Variants in TCERG1L observed in about 807,000 individuals in gnomAD.
TCERG1L encodes the protein transcription elongation regulator 1 like.
In TCERG1L, 37 loss-of-function variants were observed where a neutral mutation model predicts 56.3. That is an observed-to-expected ratio of 0.66 (90% CI 0.51 to 0.87). The LOEUF is 0.87. TCERG1L is among the 40% of genes least tolerant of loss of function. The pLI, the probability that TCERG1L is intolerant of heterozygous loss-of-function variation, is 0.00. For missense variants in TCERG1L, 799 were observed against 774.2 expected (o/e 1.03, Z -0.38); for synonymous variants, 324 against 326.3 (o/e 0.99, Z 0.08).
At chr10:131,252,093 G>A (rs1846117311) in intron 4 of TCERG1L, among the ~76,000 whole-genome samples, 1 of 152,162 alleles carries the variant, frequency 6.6e-6, no homozygotes, top group Non-Finnish European at 1.5e-5. Flanking sequence ...AGCAATTCCA[G>A]CTTTTTTAAG....
At chr10:131,120,611 C>T (rs192527949) in intron 8 of TCERG1L, among the ~76,000 whole-genome samples, 4 of 152,334 alleles carry the variant, frequency 2.6e-5, no homozygotes, top group African/African-American at 9.6e-5. Flanking sequence ...CACCCATTCC[C>T]TCATAGGCTG....
chr10:131,262,173 G>A (rs1045631897), intron 3 of TCERG1L, among the ~76,000 whole-genome samples: 8 of 152,180 alleles, frequency 5.3e-5, no homozygotes, highest in African/African-American at 4.8e-5. Flanking sequence ...CGGAGCCTGC[G>A]GAGCAGTGCA....
At chr10:131,105,407 A>G (rs1461991559) in intron 9 of TCERG1L, among the ~76,000 whole-genome samples, 1 of 152,148 alleles carries the variant, frequency 6.6e-6, no homozygotes, top group Admixed American at 6.5e-5. Flanking sequence ...ACTTCCGAGG[A>G]GAAGTAGCTA....
At chr10:131,211,046 C>T (rs183733137) in intron 4 of TCERG1L, among the ~76,000 whole-genome samples, 32 of 152,364 alleles carry the variant, frequency 2.1e-4, no homozygotes, top group Non-Finnish European at 3.7e-4. Flanking sequence ...TCTCACCCAC[C>T]TGGAGACCTT....
At chr10:131,285,524 GAGAGAAAGA>G (rs1846525225) in intron 3 of TCERG1L, among the ~76,000 whole-genome samples, 3 of 18,882 alleles carry the variant, frequency 1.6e-4, no homozygotes, top group Non-Finnish European at 3.4e-4. Flanking sequence ...AAGAAAGAAA[GAGAGAAAGA>G]AAAGAAAAGA....
intron 4 of TCERG1L, among the ~76,000 whole-genome samples, chr10:131,227,501 A>T (rs1385190691): frequency 6.6e-6 from 1 of 152,184 alleles, no homozygotes; most frequent in Non-Finnish European, 1.5e-5. Context: ...CCCGCAAACC[A>T]CACACCTAAT....
At chr10:131,141,774 ATC>A (rs1764658276) in intron 7 of TCERG1L, among the ~76,000 whole-genome samples, 1 of 152,066 alleles carries the variant, frequency 6.6e-6, no homozygotes, top group African/African-American at 2.4e-5. Context: ...CTATTCTAGC[ATC>A]TCTCTTTCTC....
intron 7 of TCERG1L, among the ~76,000 whole-genome samples, chr10:131,142,315 C>A (rs773057313): frequency 6.6e-6 from 1 of 152,070 alleles, no homozygotes; most frequent in African/African-American, 2.4e-5. Context: ...GTGTTTTCAG[C>A]GGCCCTGGGT....
intron 4 of TCERG1L, among the ~76,000 whole-genome samples, chr10:131,257,596 C>G (rs1163000488): frequency 6.6e-6 from 1 of 152,158 alleles, no homozygotes; most frequent in African/African-American, 2.4e-5. Context: ...TCTAATAATA[C>G]AAACCCAGGT....
At chr10:131,248,942 G>A (rs946462199) in intron 4 of TCERG1L, among the ~76,000 whole-genome samples, 3 of 152,206 alleles carry the variant, frequency 2.0e-5, no homozygotes, top group South Asian at 2.1e-4. Flanking sequence ...GCCCTAGGCC[G>A]CCCTCGGCAG....
intron 3 of TCERG1L, among the ~76,000 whole-genome samples, chr10:131,271,137 C>T (rs1589768022): frequency 1.3e-5 from 2 of 151,364 alleles, no homozygotes; most frequent in African/African-American, 4.8e-5. Flanking sequence ...TGTTGAGATG[C>T]TTCCAGAACC....
intron 3 of TCERG1L, among the ~76,000 whole-genome samples, chr10:131,287,989 T>C (rs1310002005): frequency 6.6e-6 from 1 of 152,196 alleles, no homozygotes; most frequent in Non-Finnish European, 1.5e-5. Context: ...TGGACAAATG[T>C]TTTCCACACA....
intron 4 of TCERG1L, among the ~76,000 whole-genome samples, chr10:131,222,660 G>T (rs975522286): frequency 6.6e-6 from 1 of 152,168 alleles, no homozygotes; most frequent in African/African-American, 2.4e-5. Flanking sequence ...GGGTATGGCC[G>T]AGCCTTTCGG....
At chr10:131,242,209 G>C (rs917977538) in intron 4 of TCERG1L, among the ~76,000 whole-genome samples, 1 of 152,098 alleles carries the variant, frequency 6.6e-6, no homozygotes, top group African/African-American at 2.4e-5. Context: ...GCAATGGCAC[G>C]AAGTTCCAGC....
intron 6 of TCERG1L, among the ~76,000 whole-genome samples, chr10:131,159,864 G>A (rs729554): frequency 0.75 from 113,235 of 151,922 alleles, 43,246 homozygotes; most frequent in African/African-American, 0.92. Context: ...ATCTGGAGAG[G>A]CCCCTTCACT....
Position 131,093,072 on chromosome 10 carries a change from GCCCCACGC to G in TCERG1L, c.*82_*89del. 1.4e-6 allele frequency: 2 copies of G among 1,450,268 alleles called. No individual in the cohort carries two copies. Among genetic ancestry groups the G allele is most frequent in the Admixed American group, 2.1e-5 (1 of 47,242 alleles). The allele number at this position is 1,450,268 out of a possible 1,614,324, so 89.8% of individuals were successfully genotyped here. A position where few individuals can be genotyped will look rare whatever the true frequency, so the allele number is the denominator to read the frequency against. ...CCGCTGGGCCGTGCAGGTCTCGGCC[GCCCCACGC>G]CCGTGTCCGTCTCCACCGTGACCCC... is the stretch of plus-strand genomic sequence containing the variant. On this transcript the variant is annotated 3_prime_UTR_variant, in exon 12 of 12. Transcript: ENST00000368642.
intron 8 of TCERG1L, among the ~76,000 whole-genome samples, chr10:131,131,432 C>T (rs1434307916): frequency 1.3e-5 from 2 of 152,322 alleles, no homozygotes; most frequent in Admixed American, 6.5e-5. Flanking sequence ...AGGGGCCGAG[C>T]GGTCATGAAT....
At chr10:131,135,805 C>T (rs1845670085) in intron 7 of TCERG1L, among the ~76,000 whole-genome samples, 2 of 152,238 alleles carry the variant, frequency 1.3e-5, no homozygotes, top group Admixed American at 1.3e-4. Flanking sequence ...TGTGTGGGTG[C>T]TCCACCCTTC....
intron 9 of TCERG1L, among the ~76,000 whole-genome samples, chr10:131,106,078 G>C (rs774889352): frequency 2.0e-5 from 3 of 152,340 alleles, no homozygotes; most frequent in Middle Eastern, 3.4e-3. Flanking sequence ...CCAGGCACTG[G>C]TGTGTTCATT....
Sources: gnomAD v4.1 joint callset for allele counts (sites outside exome capture counted in the v4.1 genomes callset) on GRCh38, gnomAD v4.1.1 for gene constraint, MANE v1.5 for transcripts, NCBI Gene and HGNC (gene_info 2026-07-23, HGNC 2026-07-21) for gene names.